Variants in SLC35F4 observed in about 807,000 individuals in gnomAD.
SLC35F4 encodes the protein solute carrier family 35 member F4, also known as chromosome 14 open reading frame 36.
Under a neutral mutation model 44.2 loss-of-function variants are expected in SLC35F4, and 24 were observed. That is an observed-to-expected ratio of 0.54 (90% CI 0.39 to 0.76). The LOEUF is 0.76. Ranked by LOEUF, SLC35F4 falls within the 30% of genes least tolerant of loss-of-function variation. The probability of loss-of-function intolerance (pLI) is 0.00; values close to 1 mark genes in which losing one functional copy is unlikely to be tolerated. For missense variants in SLC35F4, 562 were observed against 586.1 expected, an observed-to-expected ratio of 0.96 and a Z score of 0.42; for synonymous variants, 238 against 223.6, an observed-to-expected ratio of 1.06 and a Z score of -0.57.
intron 1 of SLC35F4, among the ~76,000 whole-genome samples, chr14:57,648,435 C>T (rs1307688733): frequency 1.3e-5 from 2 of 152,032 alleles, no homozygotes; most frequent in Non-Finnish European, 2.9e-5. Flanking sequence ...AATAAAAATT[C>T]AAAACAATAT....
chr14:57,657,240 A>G (rs62003999), intron 1 of SLC35F4, among the ~76,000 whole-genome samples: 9,232 of 152,304 alleles, frequency 0.061, 416 homozygotes, highest in South Asian at 0.094. Flanking sequence ...GAAAGGGCAT[A>G]AGACTCCCAC....
chr14:57,727,856 G>A (rs114646096), intron 1 of SLC35F4, among the ~76,000 whole-genome samples: 175 of 152,250 alleles, frequency 1.1e-3, no homozygotes, highest in African/African-American at 4.1e-3. Flanking sequence ...CATGTATTGT[G>A]CAGCCATTGG....
intron 1 of SLC35F4, among the ~76,000 whole-genome samples, chr14:57,835,776 G>A (rs1884857227): frequency 6.6e-6 from 1 of 152,172 alleles, no homozygotes; most frequent in Admixed American, 6.5e-5. Context: ...TCGCTAGTCT[G>A]TCAAAGTTGC....
chr14:57,710,035 T>A (rs1180302630), intron 1 of SLC35F4, among the ~76,000 whole-genome samples: 2 of 152,164 alleles, frequency 1.3e-5, no homozygotes, highest in African/African-American at 4.8e-5. Flanking sequence ...GGGGAAAATG[T>A]CTCCAGGGCA....
At chr14:57,742,022 C>G (rs567995899) in intron 1 of SLC35F4, among the ~76,000 whole-genome samples, 1 of 152,264 alleles carries the variant, frequency 6.6e-6, no homozygotes, top group South Asian at 2.1e-4. Flanking sequence ...CAAGCAAATG[C>G]TGAGAGATTT....
intron 1 of SLC35F4, among the ~76,000 whole-genome samples, chr14:57,621,401 T>C (rs1164803671): frequency 1.3e-5 from 2 of 152,074 alleles, no homozygotes; most frequent in Non-Finnish European, 2.9e-5. Context: ...GGCAACACTC[T>C]ACCTGACTTC....
chr14:57,568,215 G>C (rs1448657770), intron 6 of SLC35F4, among the ~76,000 whole-genome samples: 1 of 152,196 alleles, frequency 6.6e-6, no homozygotes, highest in Non-Finnish European at 1.5e-5. Context: ...GGAGTGTGGA[G>C]CTCATACTGC....
chr14:57,760,445 T>C (rs935672018), intron 1 of SLC35F4, among the ~76,000 whole-genome samples: 2 of 152,202 alleles, frequency 1.3e-5, no homozygotes, highest in Non-Finnish European at 2.9e-5. Context: ...TATAATATAT[T>C]TCAAAATTAG....
At chr14:57,923,871 C>T (rs808233) in intron 1 of SLC35F4, among the ~76,000 whole-genome samples, 37,248 of 152,144 alleles carry the variant, frequency 0.24, 4,979 homozygotes, top group South Asian at 0.28. Flanking sequence ...TGATATGGTT[C>T]GGCTGTGTCC....
Position 57,961,893 on chromosome 14 carries a change from T to C in SLC35F4, n.282+20020A>G, listed in dbSNP as rs1048107191. Among the ~76,000 whole-genome samples, 6 of 152,238 alleles carry C rather than the reference T, an allele frequency of 3.9e-5. No individual in the cohort carries two copies. In the East Asian group the frequency reaches 7.7e-4, roughly 20 times the overall value. On this transcript the variant is annotated intron_variant and non_coding_transcript_variant, in intron 1 of 1. Transcript: ENST00000556568. ...CTGTGGGTTTTCTCCCTAGCTCTTA[T>C]TGTACTTACTTATCAGTGTGAGTAT...
intron 1 of SLC35F4, among the ~76,000 whole-genome samples, chr14:57,738,200 G>A (rs2076512889): frequency 6.6e-6 from 1 of 152,134 alleles, no homozygotes; most frequent in African/African-American, 2.4e-5. Flanking sequence ...CCCATCTGTT[G>A]ATTGCAAAAA....
chr14:57,699,581 A>G (rs2075479813), intron 1 of SLC35F4, among the ~76,000 whole-genome samples: 1 of 152,124 alleles, frequency 6.6e-6, no homozygotes, highest in South Asian at 2.1e-4. Context: ...TCAAATCAAG[A>G]TTTTCCATAG....
At chr14:57,919,372 CT>C (rs1250898004) in intron 1 of SLC35F4, among the ~76,000 whole-genome samples, 10 of 152,202 alleles carry the variant, frequency 6.6e-5, no homozygotes, top group Admixed American at 5.9e-4. Flanking sequence ...AGTTTTCTAA[CT>C]TGCGACACTT....
upstream of SLC35F4, among the ~76,000 whole-genome samples, chr14:57,868,566 C>T (rs867389481): frequency 8.6e-5 from 13 of 151,736 alleles, no homozygotes; most frequent in African/African-American, 3.2e-4. Flanking sequence ...ACCTCCGCCT[C>T]CCGGGTTCAA....
At chr14:57,867,055 G>A (rs4083478), upstream of SLC35F4, among the ~76,000 whole-genome samples, 149,215 of 150,986 alleles carry the variant, frequency 0.99, 73,746 homozygotes, top group East Asian at 1. Flanking sequence ...GTTAGTGGAG[G>A]GGAGGGTCAG....
chr14:57,708,606 G>A (rs999123604), intron 1 of SLC35F4, among the ~76,000 whole-genome samples: 1 of 152,174 alleles, frequency 6.6e-6, no homozygotes, highest in Non-Finnish European at 1.5e-5. Flanking sequence ...TTGGGAACTT[G>A]TAGGGTACAG....
At chr14:57,911,006 C>G (rs899505577) in intron 1 of SLC35F4, among the ~76,000 whole-genome samples, 1 of 151,774 alleles carries the variant, frequency 6.6e-6, no homozygotes, top group Non-Finnish European at 1.5e-5. Context: ...TAGACTTATA[C>G]CTATGTATTT....
chr14:57,851,463 C>A (rs1307898888), intron 1 of SLC35F4, among the ~76,000 whole-genome samples: 1 of 152,068 alleles, frequency 6.6e-6, no homozygotes, highest in Admixed American at 6.6e-5. Context: ...CATAGAAATG[C>A]TAGAAACCAC....
chr14:57,925,144 C>T (rs1169758331), intron 1 of SLC35F4, among the ~76,000 whole-genome samples: 1 of 151,716 alleles, frequency 6.6e-6, no homozygotes, highest in Non-Finnish European at 1.5e-5. Flanking sequence ...AGCCATCAGT[C>T]TATTAATGAG....
Sources: allele counts gnomAD v4.1 joint callset (sites outside exome capture counted in the v4.1 genomes callset), GRCh38; gene constraint gnomAD v4.1.1; transcripts MANE v1.5; gene names NCBI Gene and HGNC (gene_info 2026-07-23, HGNC 2026-07-21).